The following CSGALNACT1 variants were observed in gnomAD, a reference collection of about 807,000 sequenced individuals.
CSGALNACT1 encodes beta4GalNAcT-1.
CSGALNACT1 carries 52 observed loss-of-function variants against 51.0 expected under a neutral mutation model. That is an observed-to-expected ratio of 1.02 (90% CI 0.82 to 1.29). The LOEUF (loss-of-function observed/expected upper bound fraction) is 1.29. CSGALNACT1 is among the 50% of genes most tolerant of loss of function. The pLI is 0.00. For missense variants in CSGALNACT1, 935 were observed against 679.2 expected (o/e 1.38, Z -4.19); for synonymous variants, 341 against 254.4 (o/e 1.34, Z -3.24).
intron 3 of CSGALNACT1, among the ~76,000 whole-genome samples, chr8:19,568,922 G>A (rs1248281912): frequency 2.0e-5 from 3 of 152,114 alleles, no homozygotes; most frequent in Admixed American, 2.0e-4. Context: ...CAACCATCAA[G>A]GCTAATTCCT....
intron 1 of CSGALNACT1, among the ~76,000 whole-genome samples, chr8:19,609,612 C>T (rs997917287): frequency 6.7e-6 from 1 of 148,272 alleles, no homozygotes; most frequent in African/African-American, 2.5e-5. Flanking sequence ...TGATTCCATT[C>T]ATATACAATT....
At chr8:19,468,235 G>C (rs546651454) in intron 4 of CSGALNACT1, among the ~76,000 whole-genome samples, 30 of 152,248 alleles carry the variant, frequency 2.0e-4, no homozygotes, top group African/African-American at 7.2e-4. Context: ...ACATCAGAGC[G>C]AGCATTTTAA....
intron 5 of CSGALNACT1, among the ~76,000 whole-genome samples, chr8:19,452,694 T>C (rs912473903): frequency 6.6e-6 from 1 of 152,074 alleles, no homozygotes; most frequent in South Asian, 2.1e-4. Flanking sequence ...GACTGACTCT[T>C]TGTGATGTCC....
intron 4 of CSGALNACT1, among the ~76,000 whole-genome samples, chr8:19,462,813 C>CTT (rs145999122): frequency 4.7e-5 from 7 of 148,962 alleles, no homozygotes; most frequent in African/African-American, 4.9e-5. Flanking sequence ...CATCAGTTTT[C>CTT]TTTTTTTTTT....
chr8:19,703,802 T>A (rs11986223), intron 1 of CSGALNACT1, among the ~76,000 whole-genome samples: 43,042 of 152,118 alleles, frequency 0.28, 6,321 homozygotes, highest in Admixed American at 0.34. Context: ...CAAGTAATTT[T>A]TGTGATTAAG....
chr8:19,638,143 TCCCAGGCC>T (rs2056322187), intron 1 of CSGALNACT1, among the ~76,000 whole-genome samples: 1 of 79,710 alleles, frequency 1.3e-5, no homozygotes, highest in Non-Finnish European at 2.7e-5. Context: ...ATTTCTAGCT[TCCCAGGCC>T]CTCCTTTGTA....
At chr8:19,420,644 C>T in intron 6 of CSGALNACT1, 126 bp from the exon 6 acceptor site, 1 of 998,340 alleles carries the variant, frequency 1.0e-6, no homozygotes, top group Non-Finnish European at 1.6e-6. Context: ...GGCACTGGGA[C>T]TCCCCAAGAA....
At chr8:19,496,031 C>T (rs968376434) in intron 4 of CSGALNACT1, among the ~76,000 whole-genome samples, 1 of 152,182 alleles carries the variant, frequency 6.6e-6, no homozygotes, top group African/African-American at 2.4e-5. Flanking sequence ...AAAATAATGA[C>T]CCCGTATTCC....
intron 4 of CSGALNACT1, among the ~76,000 whole-genome samples, chr8:19,464,373 C>A (rs1202187206): frequency 6.6e-6 from 1 of 152,170 alleles, no homozygotes; most frequent in East Asian, 1.9e-4. Context: ...TCGCCAGCAT[C>A]CCATACCACA....
At chr8:19,505,395 G>A in exon 4 of CSGALNACT1, 2 of 1,614,208 alleles carry the variant, frequency 1.2e-6, no homozygotes, top group Non-Finnish European at 1.7e-6. Context: ...GCTATCGAAA[G>A]GCACTGCTGC....
At chr8:19,575,020 C>T (rs947037995) in intron 3 of CSGALNACT1, among the ~76,000 whole-genome samples, 1 of 151,046 alleles carries the variant, frequency 6.6e-6, no homozygotes, top group Non-Finnish European at 1.5e-5. Flanking sequence ...GACAACAGAG[C>T]GAGACTCCGT....
intron 4 of CSGALNACT1, among the ~76,000 whole-genome samples, chr8:19,481,122 C>A (rs1472690227): frequency 6.6e-6 from 1 of 152,142 alleles, no homozygotes; most frequent in Non-Finnish European, 1.5e-5. Context: ...TTTACAATGA[C>A]CAGTTCTTAT....
At chr8:19,614,845 A>G (rs1046377814) in intron 1 of CSGALNACT1, among the ~76,000 whole-genome samples, 1 of 152,232 alleles carries the variant, frequency 6.6e-6, no homozygotes, top group Admixed American at 6.5e-5. Flanking sequence ...CTTGCTGGCC[A>G]CTGGCTGGTT....
At chr8:19,620,149 C>T (rs919516257) in intron 1 of CSGALNACT1, among the ~76,000 whole-genome samples, 2 of 151,728 alleles carry the variant, frequency 1.3e-5, no homozygotes, top group South Asian at 2.1e-4. Context: ...CCCGTCTCTA[C>T]TAAAAATACA....
Position 19,439,947 on chromosome 8 carries a change from C to T in CSGALNACT1, c.852-16G>A, listed in dbSNP as rs1336357815. The T allele has an allele frequency of 6.2e-7, 1 of 1,600,976 alleles. No homozygotes were observed. The highest frequency in any genetic ancestry group is 2.2e-5 in the East Asian group (1 of 44,820). On this transcript the variant is annotated splice_polypyrimidine_tract_variant and intron_variant, in intron 5 of 9. Transcript: ENST00000454498. ...GCACATCTCCCTGGAAAACAAAACACATGCATGTCTGGCACCTGTTTTCAC... is the reference window on the plus strand; with the variant it reads ...GCACATCTCCCTGGAAAACAAAACATATGCATGTCTGGCACCTGTTTTCAC...
At chr8:19,523,427 G>C (rs939556330) in intron 3 of CSGALNACT1, among the ~76,000 whole-genome samples, 1 of 152,002 alleles carries the variant, frequency 6.6e-6, no homozygotes, top group African/African-American at 2.4e-5. Flanking sequence ...ATGATGCCCA[G>C]CTAATTTTTT....
At chr8:19,458,606 T>A (rs756840537) in exon 5 of CSGALNACT1, 4 of 1,614,212 alleles carry the variant, frequency 2.5e-6, no homozygotes, top group Non-Finnish European at 2.5e-6. Flanking sequence ...GGTGAGCTCA[T>A]ACAATGTCCC....
intron 1 of CSGALNACT1, among the ~76,000 whole-genome samples, chr8:19,750,583 A>C (rs1277765990): frequency 1.3e-5 from 2 of 152,070 alleles, no homozygotes; most frequent in Non-Finnish European, 2.9e-5. Context: ...TATTATCCCC[A>C]TTTTGCACAT....
At chr8:19,754,587 C>A (rs2065240450) in intron 1 of CSGALNACT1, among the ~76,000 whole-genome samples, 1 of 152,210 alleles carries the variant, frequency 6.6e-6, no homozygotes. Context: ...ATTCTTACAT[C>A]TCTTTTAAGC....
Sources: allele counts gnomAD v4.1 joint callset (sites outside exome capture counted in the v4.1 genomes callset), GRCh38; gene constraint gnomAD v4.1.1; transcripts MANE v1.5; gene names NCBI Gene and HGNC (gene_info 2026-07-23, HGNC 2026-07-21).